Variants in TBC1D32 observed in about 807,000 individuals in gnomAD.
TBC1D32 encodes TBC1 domain family member 32.
In TBC1D32, 151 loss-of-function variants were observed where a neutral mutation model predicts 170.3. The ratio of observed to expected loss-of-function variants is 0.89; its 90% CI spans 0.78 to 1.01. The LOEUF is 1.01. Ranked by LOEUF, TBC1D32 falls within the 50% of genes least tolerant of loss-of-function variation. TBC1D32 has a pLI of 0.00. For synonymous variants in TBC1D32, 498 were observed against 488.0 expected, an observed-to-expected ratio of 1.02 and a Z score of -0.27; for missense variants, 1,464 against 1,457.1, an observed-to-expected ratio of 1.00 and a Z score of -0.08.
At chr6:121,325,019 G>A (rs1486249410) in intron 1 of TBC1D32, among the ~76,000 whole-genome samples, 1 of 152,090 alleles carries the variant, frequency 6.6e-6, no homozygotes, top group East Asian at 1.9e-4. Flanking sequence ...AGACCAGCCT[G>A]GGCAACATGG....
chr6:121,309,512 G>C (rs1807845398), intron 4 of TBC1D32, among the ~76,000 whole-genome samples: 1 of 151,736 alleles, frequency 6.6e-6, no homozygotes, highest in Admixed American at 6.6e-5. Flanking sequence ...TATTCATTTA[G>C]TTTAAATTTA....
intron 31 of TBC1D32, among the ~76,000 whole-genome samples, chr6:121,081,450 AT>A (rs1387864701): frequency 6.6e-6 from 1 of 152,154 alleles, no homozygotes; most frequent in Non-Finnish European, 1.5e-5. Context: ...TTTTATGACC[AT>A]TCCTTTTAGT....
At chr6:121,239,024 G>T in intron 20 of TBC1D32, 46 bp downstream of exon 20, 3 of 1,076,466 alleles carry the variant, frequency 2.8e-6, no homozygotes, top group Middle Eastern at 2.1e-4. Context: ...TCATTTCTGT[G>T]AAATACTTTT....
chr6:121,304,632 A>T lies in TBC1D32; in HGVS notation c.770-7T>A. 1.3e-6 allele frequency: 2 copies of T among 1,584,086 alleles called. No homozygotes were observed. The highest frequency in any genetic ancestry group is 1.7e-6 in the Non-Finnish European group (2 of 1,164,596). On this transcript the variant is annotated splice_region_variant and splice_polypyrimidine_tract_variant and intron_variant, in intron 6 of 31. Coordinates refer to ENST00000398212, the MANE Select transcript of TBC1D32 (RefSeq NM_152730.6). ...TATGACTCCAAATACTTAGCTGAAAAAAAAGGGAAAACATAAAATTACATC... is the reference window on the plus strand; with the variant it reads ...TATGACTCCAAATACTTAGCTGAAATAAAAGGGAAAACATAAAATTACATC...
chr6:121,265,983 T>A (rs1800423472), intron 15 of TBC1D32, among the ~76,000 whole-genome samples: 1 of 152,042 alleles, frequency 6.6e-6, no homozygotes, highest in South Asian at 2.1e-4. Context: ...GAAGAAAACC[T>A]AGACAATACC....
chr6:121,317,468 A>C (rs1809086022), intron 3 of TBC1D32, 27 bp downstream of exon 3: 1 of 1,478,832 alleles, frequency 6.8e-7, no homozygotes, highest in South Asian at 1.5e-5. Context: ...GCATTTCAAG[A>C]CATAAATGCA....
At chr6:121,094,260 T>G (rs1777144841) in intron 30 of TBC1D32, among the ~76,000 whole-genome samples, 1 of 151,906 alleles carries the variant, frequency 6.6e-6, no homozygotes, top group African/African-American at 2.4e-5. Flanking sequence ...CTCTGCCTCC[T>G]GAGTTCAAAT....
intron 26 of TBC1D32, among the ~76,000 whole-genome samples, chr6:121,124,952 G>A (rs1453716136): frequency 2.0e-5 from 3 of 152,000 alleles, no homozygotes; most frequent in Non-Finnish European, 4.4e-5. Flanking sequence ...TTTTCTTGAA[G>A]TATGTTGAAC....
intron 1 of TBC1D32, among the ~76,000 whole-genome samples, chr6:121,330,957 G>A (rs1210685824): frequency 6.6e-6 from 1 of 152,196 alleles, no homozygotes; most frequent in Non-Finnish European, 1.5e-5. Context: ...CTTTTAGAGA[G>A]TGTATACAGT....
intron 25 of TBC1D32, chr6:121,129,829 G>C: frequency 2.4e-6 from 1 of 414,888 alleles, no homozygotes; most frequent in South Asian, 1.8e-5. Flanking sequence ...AGATACTATT[G>C]GTAATAATCA....
chr6:121,235,324 C>T (rs888278720), intron 20 of TBC1D32, among the ~76,000 whole-genome samples: 1 of 152,068 alleles, frequency 6.6e-6, no homozygotes, highest in African/African-American at 2.4e-5. Context: ...GAGATTATGA[C>T]CTTTGTCTTC....
At chr6:121,333,528 T>TA (rs1811467812) in intron 1 of TBC1D32, among the ~76,000 whole-genome samples, 1 of 152,180 alleles carries the variant, frequency 6.6e-6, no homozygotes, top group African/African-American at 2.4e-5. Context: ...CTCACTTCGG[T>TA]ATTCCCTTTG....
intron 24 of TBC1D32, among the ~76,000 whole-genome samples, chr6:121,148,007 T>A (rs146140121): frequency 6.6e-5 from 10 of 151,868 alleles, no homozygotes; most frequent in African/African-American, 2.4e-4. Flanking sequence ...TTATTATACT[T>A]TAAGTTCTGG....
chr6:121,185,746 T>C (rs7757360), intron 22 of TBC1D32, among the ~76,000 whole-genome samples: 1 of 152,070 alleles, frequency 6.6e-6, no homozygotes, highest in Admixed American at 6.6e-5. Context: ...TTTCTAGGGG[T>C]GATGGCATCC....
intron 21 of TBC1D32, among the ~76,000 whole-genome samples, chr6:121,207,627 T>C (rs1352519265): frequency 6.6e-6 from 1 of 152,134 alleles, no homozygotes; most frequent in East Asian, 1.9e-4. Flanking sequence ...GGGAATCAGC[T>C]TCCTAAATCA....
intron 24 of TBC1D32, among the ~76,000 whole-genome samples, chr6:121,155,018 A>G (rs915719880): frequency 6.6e-6 from 1 of 152,138 alleles, no homozygotes; most frequent in African/African-American, 2.4e-5. Flanking sequence ...TTCAGAATAC[A>G]TATTTCTAAT....
At chr6:121,183,863 T>C (rs920301531) in intron 22 of TBC1D32, among the ~76,000 whole-genome samples, 7 of 152,074 alleles carry the variant, frequency 4.6e-5, no homozygotes, top group Admixed American at 1.3e-4. Flanking sequence ...TATGATTTTA[T>C]GGCTGCTATC....
chr6:121,195,414 G>A (rs1272640038), intron 22 of TBC1D32, among the ~76,000 whole-genome samples: 2 of 152,178 alleles, frequency 1.3e-5, no homozygotes, highest in African/African-American at 2.4e-5. Flanking sequence ...CTCTTGGCAT[G>A]TTACTGGGCT....
chr6:121,238,305 T>C (rs9375015), intron 20 of TBC1D32, among the ~76,000 whole-genome samples: 144,245 of 152,140 alleles, frequency 0.95, 68,874 homozygotes, highest in East Asian at 1. Context: ...TTCATCCATA[T>C]ATTAACTTCC....
Sources: allele counts gnomAD v4.1 joint callset (sites outside exome capture counted in the v4.1 genomes callset), GRCh38; gene constraint gnomAD v4.1.1; transcripts MANE v1.5; gene names NCBI Gene and HGNC (gene_info 2026-07-23, HGNC 2026-07-21).